The following C10orf120 variants were observed in gnomAD, a reference collection of about 807,000 sequenced individuals.
C10orf120 encodes chromosome 10 open reading frame 120.
C10orf120 carries 15 observed loss-of-function variants against 10.8 expected under a neutral mutation model. The ratio of observed to expected loss-of-function variants is 1.39; its 90% confidence interval spans 0.93 to 2.14. C10orf120 has a LOEUF of 2.14. Ranked by LOEUF, C10orf120 falls within the 30% of genes most tolerant of loss-of-function variation. C10orf120 has a pLI of 0.00. For missense variants in C10orf120, 447 were observed against 411.3 expected (o/e 1.09, Z -0.75); for synonymous variants, 141 against 138.9 (o/e 1.02, Z -0.11).
intron 1 of C10orf120, 71 bp downstream of exon 1, chr10:122,699,544 T>C: frequency 6.7e-7 from 1 of 1,487,520 alleles, no homozygotes; most frequent in Non-Finnish European, 9.2e-7. Flanking sequence ...GGGGTTTCTG[T>C]AGCCACTGGG....
At position 122,698,338 on chromosome 10, in the gene C10orf120, T is replaced by C. The variant is rs941814047; in HGVS notation, c.403A>G (p.Ile135Val). The change falls in exon 3 of 3, where the codon ATT becomes GTT. Residue 135 changes from isoleucine to valine, a missense_variant. By Grantham distance (29) the Ile-to-Val change is conservative (BLOSUM62 3). Transcript: ENST00000329446. ...CATATTTTTTCTAGGGGTACACAAA[T>C]AGCACAAGGAGAGGAATGTTTCTTT... ...YKKKHSSPCA[I>V]CVPLEKIWTA... The C allele has an allele frequency of 1.9e-6, 3 of 1,614,084 alleles. No individual in the cohort carries two copies. The highest frequency in any genetic ancestry group is 1.3e-5 in the African/African-American group (1 of 74,920).
In C10orf120 at chr10:122,698,365, T is replaced by A. The variant is rs779649047; in HGVS notation, c.376A>T (p.Lys126Ter). 3.1e-6 allele frequency: 5 copies of A among 1,614,268 alleles called. No individual in the cohort carries two copies. The highest frequency in any genetic ancestry group is 4.2e-6 in the Non-Finnish European group (5 of 1,180,056). Reference sequence around the variant, plus strand: ...GCACAAGGAGAGGAATGTTTCTTTTTATACTCCATTGCTTGTTTGTAGTCC... The same window carrying A: ...GCACAAGGAGAGGAATGTTTCTTTTAATACTCCATTGCTTGTTTGTAGTCC... ...SPDYKQAMEY[K>*]KKHSSPCAIC... is the part of the protein sequence containing the mutation. Residue 126 changes from lysine (K) to a stop codon, truncating the protein, a stop_gained, in exon 3 of 3, where the codon AAA (lysine) becomes TAA (stop). Transcript: ENST00000329446. LOFTEE classifies it low-confidence loss of function (END_TRUNC).
At chr10:122,698,670 C>CTACA (rs946442301) in intron 2 of C10orf120, among the ~76,000 whole-genome samples, 182 bp from the exon 3 acceptor site, 5 of 152,122 alleles carry the variant, frequency 3.3e-5, no homozygotes, top group African/African-American at 1.2e-4. Flanking sequence ...CTCCTCTGAC[C>CTACA]TACAATGAAT....
In C10orf120 at chr10:122,697,832, T is replaced by C. The variant is rs1845806892; in HGVS notation, c.909A>G (p.Ser303=). The change falls in exon 3 of 3, where the codon TCA becomes TCG. Residue 303 remains serine (S), a synonymous_variant. Transcript: ENST00000329446. Reference sequence around the variant, plus strand: ...CCAGATCACTGAAGTGGTCTCTCCGTGATATAAAATCCTGATTCATTAGCA... The same window carrying C: ...CCAGATCACTGAAGTGGTCTCTCCGCGATATAAAATCCTGATTCATTAGCA... The part of the protein sequence containing the change: ...DLMLMNQDFI[S]RRDHFSDLVK... 2 of 1,614,052 alleles carry C rather than the reference T, an allele frequency of 1.2e-6. No homozygotes were observed. The highest frequency in any genetic ancestry group is 2.7e-5 in the African/African-American group (2 of 74,942).
rs1411487603 is a variant in C10orf120, at chr10:122,697,901, T to C, written c.840A>G (p.Thr280=). 6.2e-7 allele frequency: 1 copy of C among 1,614,102 alleles called. No individual in the cohort carries two copies. The highest frequency in any genetic ancestry group is 8.5e-7 in the Non-Finnish European group (1 of 1,180,044). The change falls in exon 3 of 3, where the codon ACA becomes ACG. Residue 280 remains threonine (T), a synonymous_variant. Coordinates refer to ENST00000329446, the MANE Select transcript of C10orf120 (RefSeq NM_001010912.4). The stretch of plus-strand genomic sequence containing the variant: ...CTGATATGCAGAAAAGATTTCGGTT[T>C]GTTAGGCCTGCGATGGACCGTTCCG... ...KKPERSIAGL[T]NRNLFCISEF... is the part of the protein sequence containing the mutation.
At chr10:122,699,504 A>G (rs1372579938) in intron 1 of C10orf120, 92 bp from the exon 2 acceptor site, 2 of 1,447,416 alleles carry the variant, frequency 1.4e-6, no homozygotes, top group Admixed American at 1.8e-5. Flanking sequence ...GGGTTATTCT[A>G]CACTAGCCAG....
chr10:122,699,660 G>T lies in C10orf120; in HGVS notation c.131C>A (p.Ala44Asp). Residue 44 changes from alanine to aspartate, a missense_variant, in exon 1 of 3, where the codon GCC becomes GAC. Ala to Asp is a moderately radical substitution (Grantham distance 126). Coordinates refer to ENST00000329446, the MANE Select transcript of C10orf120 (RefSeq NM_001010912.4). ...CAGATCCTCTTGGCAACACGTTGGG[G>T]CTTGATCCTGAAAGGAAGAGTTGGT... ...FNTNSSFQDQ[A>D]PTCCQEDLSS... 1 of 1,613,804 alleles carries T rather than the reference G, an allele frequency of 6.2e-7. No homozygotes were observed. Among genetic ancestry groups the T allele is most frequent in the Non-Finnish European group, 8.5e-7 (1 of 1,179,816 alleles).
At position 122,698,167 on chromosome 10, in the gene C10orf120, AG is replaced by A. The variant is rs1321417133; in HGVS notation, c.573del (p.Ser192ProfsTer50). On this transcript the variant is annotated frameshift_variant, in exon 3 of 3. Transcript: ENST00000329446. LOFTEE classifies it low-confidence loss of function (END_TRUNC). ...AGGCCCACCCCAGACAGAAATGAGG[AG>A]CGTGTAAACCTTTCAATGTAGGGTA... Reference protein sequence around the residue: ...QPLPYIERFTRSSFLSGVGLG... With the variant: ...QPLPYIERFTXSSFLSGVGLG... The A allele has an allele frequency of 6.2e-7, 1 of 1,612,870 alleles. No individual in the cohort carries two copies. Among genetic ancestry groups the A allele is most frequent in the East Asian group, 2.2e-5 (1 of 44,868 alleles).
At chr10:122,698,902 G>A (rs1189247026) in intron 2 of C10orf120, among the ~76,000 whole-genome samples, 2 of 151,398 alleles carry the variant, frequency 1.3e-5, no homozygotes, top group African/African-American at 4.9e-5. Context: ...CGAGGCGGGT[G>A]GATCATGAGG....
intron 1 of C10orf120, 94 bp from the exon 2 acceptor site, chr10:122,699,506 A>T (rs1845831426): frequency 1.4e-6 from 2 of 1,447,646 alleles, no homozygotes; most frequent in Non-Finnish European, 1.9e-6. Context: ...GTTATTCTAC[A>T]CTAGCCAGGC....
In C10orf120 at chr10:122,697,965, T is replaced by C. The variant is rs1225908736; in HGVS notation, c.776A>G (p.His259Arg). The C allele has an allele frequency of 1.2e-6, 2 of 1,613,188 alleles. No individual in the cohort carries two copies. The change falls in exon 3 of 3, where the codon CAT (histidine) becomes CGT (arginine). Residue 259 changes from histidine to arginine, a missense_variant. His to Arg is a conservative substitution (Grantham distance 29). Coordinates refer to ENST00000329446, the MANE Select transcript of C10orf120 (RefSeq NM_001010912.4). ...SKEPKKCLTY[H>R]GNDRKSFLPA... ...GAGGAATGATTTGCGATCATTTCCA[T>C]GGTATGTTAAACATTTTTTTGGTTC...
Position 122,699,700 on chromosome 10 carries a change from C to T in C10orf120, c.91G>A (p.Val31Ile), listed in dbSNP as rs1198120445. The T allele has an allele frequency of 1.5e-5, 25 of 1,613,966 alleles. No individual in the cohort carries two copies. The highest frequency in any genetic ancestry group is 1.9e-5 in the Non-Finnish European group (22 of 1,179,934). ...GAAGAGTTGGTATTAAATATTCTAA[C>T]TGGCTTTTCATTCTTCCTTTCTTGC... is the stretch of plus-strand genomic sequence containing the variant. ...MVQERKNEKP[V>I]RIFNTNSSFQ... The change falls in exon 1 of 3, where the codon GTT becomes ATT. Residue 31 changes from valine (V) to isoleucine (I), a missense_variant. By Grantham distance (29) the Val-to-Ile change is conservative. Transcript: ENST00000329446.
At position 122,698,003 on chromosome 10, in the gene C10orf120, A is replaced by G. The variant is rs1170933736; in HGVS notation, c.738T>C (p.Val246=). ...ATTTTTTTGGTTCTTTTGACTTGAA[A>G]ACTACATTCATTTTTATTTCTCGTC... ...TKRREIKMNV[V]FKSKEPKKCL... is the part of the protein sequence containing the mutation. The change falls in exon 3 of 3, where the codon GTT becomes GTC. Residue 246 remains valine, a synonymous_variant. Coordinates refer to ENST00000329446, the MANE Select transcript of C10orf120 (RefSeq NM_001010912.4). 2 of 1,608,128 alleles carry G rather than the reference A, an allele frequency of 1.2e-6. No individual in the cohort carries two copies. The highest frequency in any genetic ancestry group is 3.4e-5 in the Admixed American group (2 of 58,854).
chr10:122,699,406 C>G lies in C10orf120; in HGVS notation c.183G>C (p.Trp61Cys). The change falls in exon 2 of 3, where the codon TGG becomes TGC. Residue 61 changes from tryptophan (W) to cysteine (C), a missense_variant. Transcript: ENST00000329446. Reference protein sequence around the residue: ...DLSSASPLRIWSKFYRSDPRI... With the variant: ...DLSSASPLRICSKFYRSDPRI... ...GTGGGTCTGATCTGTAGAATTTGCTCCATATCCTGCAAGAAGAGAAGCAGG... is the reference window on the plus strand; with the variant it reads ...GTGGGTCTGATCTGTAGAATTTGCTGCATATCCTGCAAGAAGAGAAGCAGG... 7 of 1,611,090 alleles carry G rather than the reference C, an allele frequency of 4.3e-6. No individual in the cohort carries two copies. The highest frequency in any genetic ancestry group is 5.9e-6 in the Non-Finnish European group (7 of 1,177,580).
At chr10:122,698,823 T>A (rs1463836777) in intron 2 of C10orf120, among the ~76,000 whole-genome samples, 1 of 152,112 alleles carries the variant, frequency 6.6e-6, no homozygotes, top group African/African-American at 2.4e-5. Flanking sequence ...GTGGGACGTG[T>A]CAATAAGAGT....
At chr10:122,699,090 C>T (rs953444760) in intron 2 of C10orf120, among the ~76,000 whole-genome samples, 3 of 134,352 alleles carry the variant, frequency 2.2e-5, no homozygotes, top group African/African-American at 8.4e-5. Flanking sequence ...GCCGAGATTG[C>T]GCCACTGCAG....
chr10:122,698,562 G>T, intron 2 of C10orf120, 74 bp from the exon 3 acceptor site: 1 of 1,388,810 alleles, frequency 7.2e-7, no homozygotes, highest in Non-Finnish European at 1.0e-6. Flanking sequence ...CTTGCTAGTG[G>T]CTGGTTCTCC....
chr10:122,698,995 G>A (rs71486634), intron 2 of C10orf120, among the ~76,000 whole-genome samples: 14 of 150,296 alleles, frequency 9.3e-5, no homozygotes, highest in Admixed American at 3.3e-4. Flanking sequence ...TTAGCCGGGC[G>A]CGGTGGCGGG....
At chr10:122,699,489 A>G in intron 1 of C10orf120, 77 bp from the exon 2 acceptor site, 1 of 1,465,772 alleles carries the variant, frequency 6.8e-7, no homozygotes, top group Non-Finnish European at 9.5e-7. Flanking sequence ...GGGAAGGCTC[A>G]TAAAGGGTTA....
Sources: gnomAD v4.1 joint callset for allele counts (sites outside exome capture counted in the v4.1 genomes callset) on GRCh38, gnomAD v4.1.1 for gene constraint, MANE v1.5 for transcripts, NCBI Gene and HGNC (gene_info 2026-07-23, HGNC 2026-07-21) for gene names.